The following PACRG variants were observed in gnomAD, a reference collection of about 807,000 sequenced individuals.
The protein encoded by PACRG is parkin coregulated gene protein.
A neutral mutation model predicts 29.7 loss-of-function variants in PACRG; 29 were observed. The ratio of observed to expected loss-of-function variants is 0.98; its 90% CI spans 0.73 to 1.33. The LOEUF is 1.33. PACRG is among the 40% of genes most tolerant of loss of function. The pLI is 0.00. For missense variants in PACRG, 279 were observed against 316.2 expected (o/e 0.88, Z 0.89); for synonymous variants, 116 against 118.7 (o/e 0.98, Z 0.15).
chr6:162,975,121 G>A (rs1562794992), intron 2 of PACRG, among the ~76,000 whole-genome samples: 1 of 152,148 alleles, frequency 6.6e-6, no homozygotes, highest in African/African-American at 2.4e-5. Flanking sequence ...CTGCCTTCTT[G>A]TCTGGACAAT....
At chr6:162,880,850 A>T (rs936344889) in intron 2 of PACRG, among the ~76,000 whole-genome samples, 1 of 152,230 alleles carries the variant, frequency 6.6e-6, no homozygotes, top group African/African-American at 2.4e-5. Context: ...GCAAGGCTAC[A>T]TTGCACACCA....
chr6:162,776,759 G>A (rs890011390), intron 1 of PACRG, among the ~76,000 whole-genome samples: 6 of 152,152 alleles, frequency 3.9e-5, no homozygotes, highest in Non-Finnish European at 8.8e-5. Context: ...CCTTGCAAAA[G>A]GCCAGACACT....
At chr6:163,069,629 A>G (rs1013229874) in intron 3 of PACRG, among the ~76,000 whole-genome samples, 2 of 112,256 alleles carry the variant, frequency 1.8e-5, no homozygotes, top group African/African-American at 1.1e-4. Context: ...AAGAAAAAAG[A>G]ATATAAAATA....
intron 4 of PACRG, among the ~76,000 whole-genome samples, chr6:163,172,040 G>A (rs148461726): frequency 1.3e-3 from 205 of 152,324 alleles, no homozygotes; most frequent in African/African-American, 4.5e-3. Context: ...GTCTGGCCCC[G>A]TAAGTGTGCA....
At chr6:162,790,379 T>G (rs1784838333) in intron 1 of PACRG, among the ~76,000 whole-genome samples, 1 of 152,154 alleles carries the variant, frequency 6.6e-6, no homozygotes, top group East Asian at 1.9e-4. Context: ...CCTCCTTTGT[T>G]TTGTGCTTTG....
intron 4 of PACRG, among the ~76,000 whole-genome samples, chr6:163,154,513 A>C (rs1485059400): frequency 6.6e-6 from 1 of 152,174 alleles, no homozygotes; most frequent in Non-Finnish European, 1.5e-5. Context: ...AAAGGACTGG[A>C]AAGCTACGGG....
intron 4 of PACRG, among the ~76,000 whole-genome samples, chr6:163,169,341 C>T (rs979346690): frequency 6.6e-6 from 1 of 152,128 alleles, no homozygotes; most frequent in Non-Finnish European, 1.5e-5. Flanking sequence ...AATGAGGCGT[C>T]GGTGGGAGCA....
chr6:162,814,242 C>T lies in PACRG; in HGVS notation c.252C>T (p.Ala84=). The T allele has an allele frequency of 6.2e-7, 1 of 1,613,888 alleles. No homozygotes were observed. The highest frequency in any genetic ancestry group is 1.1e-5 in the South Asian group (1 of 91,060). ...KFYERGDFPI[A]LEHDSKGNKI... is the part of the protein sequence containing the mutation. ...ATGAGCGAGGTGACTTCCCAATTGC[C>T]CTTGAGCATGATTCGAAAGGAAACA... is the stretch of plus-strand genomic sequence containing the variant. Residue 84 remains alanine, a synonymous_variant, in exon 2 of 5, where the codon GCC becomes GCT. Transcript: ENST00000366888.
intron 4 of PACRG, among the ~76,000 whole-genome samples, chr6:163,251,926 A>G (rs1341702952): frequency 1.3e-5 from 2 of 152,224 alleles, no homozygotes; most frequent in Non-Finnish European, 2.9e-5. Flanking sequence ...AAATGGAATA[A>G]TAATAATATC....
chr6:163,084,617 A>G (rs990650348), intron 3 of PACRG, among the ~76,000 whole-genome samples: 8 of 152,056 alleles, frequency 5.3e-5, no homozygotes, highest in Non-Finnish European at 7.4e-5. Flanking sequence ...CAGTTCAGGC[A>G]TTTTACTTCT....
chr6:163,211,072 C>T (rs1161227230), intron 4 of PACRG, among the ~76,000 whole-genome samples: 3 of 152,166 alleles, frequency 2.0e-5, no homozygotes, highest in Non-Finnish European at 4.4e-5. Flanking sequence ...ATGATAGATT[C>T]TATCACAGAA....
At chr6:162,925,387 C>A (rs1426661555) in intron 2 of PACRG, among the ~76,000 whole-genome samples, 1 of 152,110 alleles carries the variant, frequency 6.6e-6, no homozygotes, top group African/African-American at 2.4e-5. Flanking sequence ...GCCAATATCC[C>A]TGATGAACGT....
intron 2 of PACRG, among the ~76,000 whole-genome samples, chr6:162,984,996 G>A (rs1300468250): frequency 6.6e-6 from 1 of 151,866 alleles, no homozygotes; most frequent in African/African-American, 2.4e-5. Flanking sequence ...TTGCTGTGCA[G>A]AAGCTTAAGG....
chr6:162,951,875 G>C (rs1331290553), intron 2 of PACRG, among the ~76,000 whole-genome samples: 2 of 152,062 alleles, frequency 1.3e-5, no homozygotes, highest in Non-Finnish European at 2.9e-5. Context: ...AAGAGAGCTG[G>C]GAGCTTCCTC....
chr6:163,208,395 A>G (rs1302058677), intron 4 of PACRG, among the ~76,000 whole-genome samples: 1 of 146,982 alleles, frequency 6.8e-6, no homozygotes, highest in Non-Finnish European at 1.5e-5. Context: ...AGAGATCAGA[A>G]TCTAAGCTAC....
intron 2 of PACRG, among the ~76,000 whole-genome samples, chr6:162,989,601 AT>A (rs1023125658): frequency 3.9e-5 from 6 of 152,212 alleles, no homozygotes; most frequent in East Asian, 1.9e-4. Context: ...AACCAAAAAA[AT>A]GTCTGTTCAT....
intron 2 of PACRG, among the ~76,000 whole-genome samples, chr6:162,994,771 C>T (rs1449327546): frequency 6.6e-6 from 1 of 150,470 alleles, no homozygotes; most frequent in Non-Finnish European, 1.5e-5. Context: ...CAGCTTTGTT[C>T]CGTTGCTGGT....
At chr6:162,775,360 AC>A (rs1377330962) in intron 1 of PACRG, among the ~76,000 whole-genome samples, 3 of 152,338 alleles carry the variant, frequency 2.0e-5, no homozygotes, top group African/African-American at 7.2e-5. Flanking sequence ...CTCTGTGCTT[AC>A]CTGTTACTAG....
chr6:163,224,289 A>G (rs1047720050), intron 4 of PACRG, among the ~76,000 whole-genome samples: 1 of 145,248 alleles, frequency 6.9e-6, no homozygotes, highest in Non-Finnish European at 1.5e-5. Flanking sequence ...GAATAACTTG[A>G]ACCTGGGATA....
Sources: gnomAD v4.1 joint callset for allele counts (sites outside exome capture counted in the v4.1 genomes callset) on GRCh38, gnomAD v4.1.1 for gene constraint, MANE v1.5 for transcripts, NCBI Gene and HGNC (gene_info 2026-07-23, HGNC 2026-07-21) for gene names.